PCDH11X: variants seen among roughly 807,000 people sequenced by gnomAD.
The protein encoded by PCDH11X is protocadherin 11 X-linked.
PCDH11X carries 18 observed loss-of-function variants against 53.3 expected under a neutral mutation model. The ratio of observed to expected loss-of-function variants is 0.34; its 90% CI spans 0.23 to 0.50. The LOEUF (loss-of-function observed/expected upper bound fraction) is 0.50. Ranked by LOEUF, PCDH11X falls within the 20% of genes least tolerant of loss-of-function variation. The pLI is 0.98. For synonymous variants in PCDH11X, 279 were observed against 393.3 expected (o/e 0.71, Z 3.44); for missense variants, 570 against 1,032.4 (o/e 0.55, Z 6.14).
chrX:92,168,548 AAAAC>A (rs1249411231), intron 6 of PCDH11X, among the ~76,000 whole-genome samples: 1 of 110,438 alleles, frequency 9.1e-6, no homozygotes, highest in African/African-American at 3.3e-5. Context: ...AAAAAAACCC[AAAAC>A]AAACAAACAA....
At position 91,817,792 on chromosome X, in the gene PCDH11X, A is replaced by G. The variant is rs201684373; in HGVS notation, c.-45+6497A>G. 3.5e-4 allele frequency among the ~76,000 whole-genome samples: 39 copies of G among 111,599 alleles called. No homozygotes were observed. The East Asian group carries it at 7.0e-3, about 20-fold the overall frequency. ...GAGTTCTTTTTTCAAGGCATAATCA[A>G]TCACCTTCGTTTCTAATTTTGTTCT... is the stretch of plus-strand genomic sequence containing the variant. On this transcript the variant is annotated intron_variant, in intron 4 of 10. Coordinates refer to ENST00000682573, the MANE Select transcript of PCDH11X (RefSeq NM_032968.5).
intron 6 of PCDH11X, among the ~76,000 whole-genome samples, chrX:92,158,739 G>A (rs1394029706): frequency 1.8e-5 from 2 of 109,935 alleles, no homozygotes; most frequent in Non-Finnish European, 3.8e-5. Context: ...AGGTTTAAGC[G>A]ATTCTCCTGC....
rs1270508270 is a variant in PCDH11X at position 92,204,422 on chromosome X, G to A, written c.3114+2967G>A. ...AAAGTTCCATAGATCTCTAGGGCAG[G>A]GGCAAAATGCCACCATCCTTTTTGC... On this transcript the variant is annotated intron_variant, in intron 7 of 10. Coordinates refer to ENST00000682573, the MANE Select transcript of PCDH11X (RefSeq NM_032968.5). Among the ~76,000 whole-genome samples, 4 of 111,781 alleles carry A rather than the reference G, an allele frequency of 3.6e-5. No individual in the cohort carries two copies. The East Asian group carries it at 1.1e-3, about 32-fold the overall frequency.
chrX:92,031,597 G>A (rs1273132538), intron 6 of PCDH11X, among the ~76,000 whole-genome samples: 1 of 111,690 alleles, frequency 9.0e-6, no homozygotes, highest in Non-Finnish European at 1.9e-5. Context: ...GTTTTCTTGT[G>A]TTCATTTCAT....
chrX:92,196,412 G>T (rs768994188), intron 6 of PCDH11X, among the ~76,000 whole-genome samples: 1 of 111,373 alleles, frequency 9.0e-6, no homozygotes, highest in Non-Finnish European at 1.9e-5. Flanking sequence ...TTTTGAATTT[G>T]AAGTTTCAAC....
chrX:92,104,662 A>G (rs2148143971), intron 6 of PCDH11X, among the ~76,000 whole-genome samples: 1 of 110,799 alleles, frequency 9.0e-6, no homozygotes, highest in Non-Finnish European at 1.9e-5. Flanking sequence ...ATACAGGCTA[A>G]GGGAGAAGAA....
chrX:92,209,120 C>T (rs1183989191), intron 7 of PCDH11X, among the ~76,000 whole-genome samples: 1 of 111,189 alleles, frequency 9.0e-6, no homozygotes, highest in Non-Finnish European at 1.9e-5. Context: ...GCACACAGAG[C>T]CAAACCATAT....
chrX:91,811,025 G>A (rs1222069519), intron 3 of PCDH11X: 2 of 143,072 alleles, frequency 1.4e-5, no homozygotes, highest in Non-Finnish European at 2.4e-5. Flanking sequence ...AATTCAAAAA[G>A]TATTTTGTGC....
At chrX:92,012,826 A>C (rs1479766086) in intron 6 of PCDH11X, among the ~76,000 whole-genome samples, 2 of 112,055 alleles carry the variant, frequency 1.8e-5, no homozygotes, top group Non-Finnish European at 3.8e-5. Context: ...GAAATTTTTT[A>C]GTATAAACAT....
At chrX:92,477,278 C>A (rs188252805) in intron 10 of PCDH11X, among the ~76,000 whole-genome samples, 79 of 103,246 alleles carry the variant, frequency 7.7e-4, no homozygotes, top group Admixed American at 2.0e-3. Flanking sequence ...AAGTGGTATT[C>A]TATTGTACGG....
At chrX:92,597,877 C>T (rs972226030) in intron 10 of PCDH11X, among the ~76,000 whole-genome samples, 3 of 111,435 alleles carry the variant, frequency 2.7e-5, no homozygotes, top group Non-Finnish European at 3.8e-5. Context: ...AATCCAAACA[C>T]GTACAGTGAA....
At chrX:92,231,676 A>G (rs1334467093) in intron 7 of PCDH11X, among the ~76,000 whole-genome samples, 1 of 112,050 alleles carries the variant, frequency 8.9e-6, no homozygotes, top group Non-Finnish European at 1.9e-5. Context: ...ATGTGGTTTC[A>G]ATTCTCTGGT....
chrX:91,964,294 A>G, intron 6 of PCDH11X, among the ~76,000 whole-genome samples: 1 of 110,110 alleles, frequency 9.1e-6, no homozygotes, highest in East Asian at 2.8e-4. Context: ...TTTCACAGAA[A>G]TATAAAAAAG....
intron 8 of PCDH11X, among the ~76,000 whole-genome samples, chrX:92,266,471 A>G (rs1244056835): frequency 8.9e-6 from 1 of 112,064 alleles, no homozygotes; most frequent in Admixed American, 9.5e-5. Context: ...AATGACTTCA[A>G]AGTACTCACC....
At chrX:91,885,985 A>G (rs1940178086) in intron 6 of PCDH11X, among the ~76,000 whole-genome samples, 1 of 111,203 alleles carries the variant, frequency 9.0e-6, no homozygotes, top group South Asian at 3.8e-4. Flanking sequence ...TTTGACTAGT[A>G]ACTATTCTTG....
intron 1 of PCDH11X, among the ~76,000 whole-genome samples, chrX:91,788,163 C>G (rs1468799975): frequency 9.0e-6 from 1 of 111,384 alleles, no homozygotes; most frequent in Admixed American, 9.5e-5. Context: ...TTTTAATTAC[C>G]TTTGCTCAAA....
intron 7 of PCDH11X, among the ~76,000 whole-genome samples, chrX:92,239,572 A>G (rs927232708): frequency 3.6e-5 from 4 of 111,885 alleles, no homozygotes; most frequent in African/African-American, 1.3e-4. Flanking sequence ...TTATTGAATC[A>G]TGTAATTCTG....
chrX:91,964,378 G>A (rs1044630629), intron 6 of PCDH11X, among the ~76,000 whole-genome samples: 3 of 110,647 alleles, frequency 2.7e-5, no homozygotes, highest in African/African-American at 1.0e-4. Context: ...TGTTTTGTTA[G>A]CAGGTCTATT....
chrX:92,067,278 CTATAA>C (rs1277869328), intron 6 of PCDH11X, among the ~76,000 whole-genome samples: 1 of 110,154 alleles, frequency 9.1e-6, no homozygotes. Context: ...TCCCCATTAA[CTATAA>C]TATTAGACTT....
Sources: gnomAD v4.1 joint callset for allele counts (sites outside exome capture counted in the v4.1 genomes callset) on GRCh38, gnomAD v4.1.1 for gene constraint, MANE v1.5 for transcripts, NCBI Gene and HGNC (gene_info 2026-07-23, HGNC 2026-07-21) for gene names.